ST14: variants seen among roughly 807,000 people sequenced by gnomAD.
ST14 encodes ST14 transmembrane serine protease matriptase.
Under a neutral mutation model 96.5 loss-of-function variants are expected in ST14, and 40 were observed. The ratio of observed to expected loss-of-function variants is 0.41; its 90% CI spans 0.32 to 0.54. The LOEUF is 0.54. Ranked by LOEUF, ST14 falls within the 20% of genes least tolerant of loss-of-function variation. The probability of loss-of-function intolerance (pLI) is 0.17; values close to 1 mark genes in which losing one functional copy is unlikely to be tolerated. For synonymous variants in ST14, 506 were observed against 492.1 expected, an observed-to-expected ratio of 1.03 and a Z score of -0.37; for missense variants, 1,066 against 1,188.9, an observed-to-expected ratio of 0.90 and a Z score of 1.52.
chr11:130,168,335 A>T, intron 1 of ST14, among the ~76,000 whole-genome samples: 1 of 152,210 alleles, frequency 6.6e-6, no homozygotes, highest in Admixed American at 6.5e-5. Flanking sequence ...GGTGAGATGG[A>T]ACCAGATGGC....
chr11:130,183,040 T>C (rs1362638781), intron 1 of ST14, among the ~76,000 whole-genome samples: 2 of 151,570 alleles, frequency 1.3e-5, no homozygotes, highest in African/African-American at 4.9e-5. Context: ...CACCGCAACC[T>C]CTGCCTCCTG....
intron 1 of ST14, among the ~76,000 whole-genome samples, chr11:130,161,391 AC>A (rs34223153): frequency 0.048 from 7,359 of 152,212 alleles, 213 homozygotes; most frequent in East Asian, 0.16. Context: ...TCAGCAGAGA[AC>A]CTGCTGTTTG....
intron 1 of ST14, among the ~76,000 whole-genome samples, chr11:130,170,436 G>A (rs968908758): frequency 3.9e-5 from 6 of 152,134 alleles, no homozygotes; most frequent in African/African-American, 1.4e-4. Context: ...AGTAGGAAGA[G>A]GAAACCGGGG....
chr11:130,200,140 G>A lies in ST14; in HGVS notation c.1994+3G>A. Reference sequence around the variant, plus strand: ...TACATCGATGACAGAGGATTCAGGTGGGTCTCTGGGTGGGCAGCAGGGAGC... The same window carrying A: ...TACATCGATGACAGAGGATTCAGGTAGGTCTCTGGGTGGGCAGCAGGGAGC... On this transcript the variant is annotated splice_donor_region_variant and intron_variant, in intron 16 of 18. Coordinates refer to ENST00000278742, the MANE Select transcript of ST14 (RefSeq NM_021978.4). 6.2e-7 allele frequency: 1 copy of A among 1,614,038 alleles called. No individual in the cohort carries two copies. The highest frequency in any genetic ancestry group is 1.7e-5 in the Admixed American group (1 of 60,004).
chr11:130,173,157 T>C (rs556807946), intron 1 of ST14, among the ~76,000 whole-genome samples: 1 of 152,304 alleles, frequency 6.6e-6, no homozygotes, highest in East Asian at 1.9e-4. Flanking sequence ...CATAATTAGC[T>C]AATTCCTGCT....
intron 1 of ST14, among the ~76,000 whole-genome samples, chr11:130,173,919 C>T (rs186705185): frequency 5.9e-5 from 9 of 152,310 alleles, no homozygotes; most frequent in African/African-American, 2.2e-4. Context: ...CTGGCCAGGT[C>T]GCAGCATGCT....
rs139874501 is a variant in ST14 at position 130,208,020 on chromosome 11, G to A, written c.1995-390G>A. Among the ~76,000 whole-genome samples the A allele has an allele frequency of 1.7e-4, 26 of 152,160 alleles. No homozygotes were observed. In the East Asian group the frequency reaches 2.9e-3, roughly 17 times the overall value. On this transcript the variant is annotated intron_variant, in intron 16 of 18. Transcript: ENST00000278742. Reference sequence around the variant, plus strand: ...CGGGAGGTGGAGATTGCAGTGAGCCGAGATCATGCCACCACCGCACTCCAG... The same window carrying A: ...CGGGAGGTGGAGATTGCAGTGAGCCAAGATCATGCCACCACCGCACTCCAG...
intron 1 of ST14, among the ~76,000 whole-genome samples, chr11:130,163,679 C>T (rs1953016604): frequency 6.6e-6 from 1 of 152,202 alleles, no homozygotes. Context: ...GTAGGTGGGG[C>T]TTCAGCTGCT....
chr11:130,176,444 C>T (rs535315294), intron 1 of ST14, among the ~76,000 whole-genome samples: 2 of 150,158 alleles, frequency 1.3e-5, no homozygotes, highest in Admixed American at 6.6e-5. Context: ...GCTGGAGTGC[C>T]GTGGCGCAAT....
rs996863911 is a variant in ST14, at chr11:130,181,322, C to G, written c.82-6792C>G. On this transcript the variant is annotated intron_variant, in intron 1 of 18. Coordinates refer to ENST00000278742, the MANE Select transcript of ST14 (RefSeq NM_021978.4). This position sits in a 1 kb window ranked among gnomAD's most constrained non-coding sequence, Gnocchi z 4.1. ...AACCTCCCGCCTGGAAGTCATTCCT[C>G]GTTCCCTTGTCTGAGTGGCCTGGAG... 6.6e-6 allele frequency among the ~76,000 whole-genome samples: 1 copy of G among 152,118 alleles called. No homozygotes were observed. The highest frequency in any genetic ancestry group is 1.5e-5 in the Non-Finnish European group (1 of 68,018).
At chr11:130,171,368 T>C (rs1953091025) in intron 1 of ST14, among the ~76,000 whole-genome samples, 1 of 152,252 alleles carries the variant, frequency 6.6e-6, no homozygotes, top group Non-Finnish European at 1.5e-5. Context: ...CCACCTTTTG[T>C]GTATCCATTC....
chr11:130,161,941 AT>A (rs1303784033), intron 1 of ST14, among the ~76,000 whole-genome samples: 1 of 152,134 alleles, frequency 6.6e-6, no homozygotes, highest in African/African-American at 2.4e-5. Context: ...GCCAAAGCTC[AT>A]TTCCATGTCT....
chr11:130,183,175 G>T (rs1320097201), intron 1 of ST14, among the ~76,000 whole-genome samples: 3 of 151,848 alleles, frequency 2.0e-5, no homozygotes, highest in Non-Finnish European at 4.4e-5. Flanking sequence ...GGCCAGGCTG[G>T]TCTTGACCTC....
chr11:130,188,693 G>A lies in ST14; in HGVS notation c.369+36G>A, dbSNP rs755812248. 1 of 1,613,826 alleles carries A rather than the reference G, an allele frequency of 6.2e-7. No individual in the cohort carries two copies. Among genetic ancestry groups the A allele is most frequent in the Non-Finnish European group, 8.5e-7 (1 of 1,180,018 alleles). ...CCTGCCCAGAGTCCTGCTGGGCTGT[G>A]TGCGCTGGTGTCCCACCTGCTGGGC... On this transcript the variant is annotated intron_variant, in intron 3 of 18. Coordinates refer to ENST00000278742, the MANE Select transcript of ST14 (RefSeq NM_021978.4). The surrounding 1 kb of genome is among the most constrained non-coding windows in gnomAD (Gnocchi z 5.4).
In ST14 at chr11:130,209,906, A is replaced by G; in HGVS notation, c.*83A>G. ...TGCACGCCTGCAGGCTGGAGACTGG[A>G]CCGCTGACTGCACCAGCGCCCCCAG... On this transcript the variant is annotated 3_prime_UTR_variant, in exon 19 of 19. Coordinates refer to ENST00000278742, the MANE Select transcript of ST14 (RefSeq NM_021978.4). 6.5e-7 allele frequency: 1 copy of G among 1,529,564 alleles called. No homozygotes were observed. The highest frequency in any genetic ancestry group is 1.1e-5 in the South Asian group (1 of 87,816). 94.7% of individuals were successfully genotyped at this position (1,529,564 alleles called of 1,614,324 possible). A position where few individuals can be genotyped will look rare whatever the true frequency, so the allele number is the denominator to read the frequency against.
chr11:130,160,525 G>T (rs1047752185), intron 1 of ST14, among the ~76,000 whole-genome samples: 2 of 152,120 alleles, frequency 1.3e-5, no homozygotes, highest in Non-Finnish European at 2.9e-5. Flanking sequence ...TTGGGACCTC[G>T]CAGAGGACAA....
At position 130,209,556 on chromosome 11, in the gene ST14, G is replaced by C. The variant is rs756025057; in HGVS notation, c.2384G>C (p.Ser795Thr). Residue 795 changes from serine (S) to threonine (T), a missense_variant, in exon 18 of 19, where the codon AGC (serine) becomes ACC (threonine). Coordinates refer to ENST00000278742, the MANE Select transcript of ST14 (RefSeq NM_021978.4). ...CGCATGATGTGCGTGGGCTTCCTCA[G>C]CGGCGGCGTGGACTCCTGCCAGGTG... ...TPRMMCVGFL[S>T]GGVDSCQGDS... is the part of the protein sequence containing the mutation. The C allele has an allele frequency of 1.3e-6, 2 of 1,574,106 alleles. No homozygotes were observed. Among genetic ancestry groups the C allele is most frequent in the South Asian group, 2.3e-5 (2 of 87,268 alleles).
Position 130,190,160 on chromosome 11 carries a change from GC to G in ST14, c.634+15del, listed in dbSNP as rs774096826. On this transcript the variant is annotated intron_variant, in intron 6 of 18. Coordinates refer to ENST00000278742, the MANE Select transcript of ST14 (RefSeq NM_021978.4). Reference sequence around the variant, plus strand: ...GAGGACCCAGGACAGTAAGTATCGTGCCCGCCTCCTCTTCTGGGTGGGGAAG... The same window carrying G: ...GAGGACCCAGGACAGTAAGTATCGTGCCGCCTCCTCTTCTGGGTGGGGAAG... 2 of 1,614,076 alleles carry G rather than the reference GC, an allele frequency of 1.2e-6. No homozygotes were observed. Among genetic ancestry groups the G allele is most frequent in the East Asian group, 4.5e-5 (2 of 44,886 alleles).
At position 130,194,484 on chromosome 11, in the gene ST14, T is replaced by TCGGCACC. The variant is rs566115985; in HGVS notation, c.1016-148_1016-142dup. On this transcript the variant is annotated intron_variant, in intron 8 of 18. Transcript: ENST00000278742. ...CTGGGTCAGGAGCCCTCCTGAAGCT[T>TCGGCACC]CGGCACCCGGCACCTGGCCTTCCTG... is the stretch of plus-strand genomic sequence containing the variant. 8.5e-3 allele frequency among the ~76,000 whole-genome samples: 1,292 copies of TCGGCACC among 152,288 alleles called. 4 individuals are homozygous for TCGGCACC. The highest frequency in any genetic ancestry group is 0.012 in the Non-Finnish European group (816 of 68,014).
Sources: gnomAD v4.1 joint callset for allele counts (sites outside exome capture counted in the v4.1 genomes callset) on GRCh38, gnomAD v4.1.1 for gene constraint, Gnocchi (gnomAD v3.1) non-coding constraint, MANE v1.5 for transcripts, NCBI Gene and HGNC (gene_info 2026-07-23, HGNC 2026-07-21) for gene names.